Variants in PIGU observed in about 807,000 individuals in gnomAD.
The protein encoded by PIGU is phosphatidylinositol glycan anchor biosynthesis class U.
PIGU carries 24 observed loss-of-function variants against 49.9 expected under a neutral mutation model. That is an observed-to-expected ratio of 0.48 (90% confidence interval 0.35 to 0.68). The LOEUF (loss-of-function observed/expected upper bound fraction) is 0.68, where lower values mean the gene tolerates loss of function less well. Among genes scored for constraint, PIGU ranks in the 30% least tolerant of loss-of-function variants. The probability of loss-of-function intolerance (pLI) is 0.01; values close to 1 mark genes in which losing one functional copy is unlikely to be tolerated. For missense variants in PIGU, 490 were observed against 532.6 expected (o/e 0.92, Z 0.79); for synonymous variants, 220 against 205.7 (o/e 1.07, Z -0.59).
chr20:34,654,822 T>C (rs187296837), intron 2 of PIGU, among the ~76,000 whole-genome samples: 1,429 of 116,214 alleles, frequency 0.012, 345 homozygotes, highest in African/African-American at 0.044. Context: ...CTGGCCAATA[T>C]GGTGAAACCC....
intron 2 of PIGU, 72 bp from the exon 3 acceptor site, chr20:34,645,406 G>C (rs1443081842): frequency 4.8e-6 from 7 of 1,461,812 alleles, no homozygotes; most frequent in Non-Finnish European, 6.3e-6. Flanking sequence ...AGAGTAGAGA[G>C]TGGGGAGAAA....
intron 9 of PIGU, among the ~76,000 whole-genome samples, chr20:34,582,317 C>T (rs1166252714): frequency 2.6e-5 from 4 of 152,248 alleles, no homozygotes; most frequent in East Asian, 3.9e-4. Flanking sequence ...TCCTGAACTC[C>T]CTCTGTGTAA....
chr20:34,645,178 A>T, intron 3 of PIGU, 97 bp downstream of exon 3: 1 of 1,292,430 alleles, frequency 7.7e-7, no homozygotes, highest in Non-Finnish European at 1.0e-6. Context: ...ACACAGTGAG[A>T]CCCCATCTCA....
chr20:34,604,111 G>A (rs1179817122), intron 7 of PIGU, among the ~76,000 whole-genome samples: 8 of 152,088 alleles, frequency 5.3e-5, no homozygotes, highest in African/African-American at 1.4e-4. Flanking sequence ...CACATCTGTG[G>A]GGCCAGATGT....
At chr20:34,652,402 C>T (rs1277436396) in intron 2 of PIGU, among the ~76,000 whole-genome samples, 2 of 152,196 alleles carry the variant, frequency 1.3e-5, no homozygotes, top group Non-Finnish European at 2.9e-5. Flanking sequence ...AATTTTAATG[C>T]TCATCCCAAG....
In PIGU at chr20:34,645,296, G is replaced by T; in HGVS notation, c.234C>A (p.Asp78Glu). The T allele has an allele frequency of 6.3e-7, 1 of 1,577,150 alleles. No individual in the cohort carries two copies. Among genetic ancestry groups the T allele is most frequent in the Non-Finnish European group, 8.6e-7 (1 of 1,167,302 alleles). The change falls in exon 3 of 12, where the codon GAC becomes GAA. Residue 78 changes from aspartate (D) to glutamate (E), a missense_variant. Transcript: ENST00000217446. ...LIIYLFHFLI[D>E]YAELVFMITD... ...TTACCATAAACACCAATTCAGCATA[G>T]TCAATTAGGAAATGAAAGAGGTATA...
chr20:34,575,004 C>G, intron 11 of PIGU, 100 bp downstream of exon 11: 1 of 1,489,942 alleles, frequency 6.7e-7, no homozygotes. Context: ...TCCTTCACGT[C>G]TGCACCCCCC....
chr20:34,633,953 G>C lies in PIGU; in HGVS notation c.529+662C>G, dbSNP rs574392688. ...TATAATTCAGGAAATATAATATAAG[G>C]TCTTATTTAGAAATATGGAATACTA... On this transcript the variant is annotated intron_variant, in intron 6 of 11. Coordinates refer to ENST00000217446, the MANE Select transcript of PIGU (RefSeq NM_080476.5). Among the ~76,000 whole-genome samples, 6 of 152,210 alleles carry C rather than the reference G, an allele frequency of 3.9e-5. No homozygotes were observed. The East Asian group carries it at 1.2e-3, about 29-fold the overall frequency.
chr20:34,671,056 T>C (rs921509498), intron 1 of PIGU, among the ~76,000 whole-genome samples: 5 of 152,176 alleles, frequency 3.3e-5, no homozygotes, highest in Admixed American at 2.0e-4. Flanking sequence ...TACCTAAAGA[T>C]TGCTAGCTCT....
At chr20:34,640,649 C>A (rs776760187) in intron 4 of PIGU, among the ~76,000 whole-genome samples, 1 of 152,086 alleles carries the variant, frequency 6.6e-6, no homozygotes, top group Non-Finnish European at 1.5e-5. Flanking sequence ...AAAACAATGA[C>A]AGGAGAGATT....
At position 34,626,405 on chromosome 20, in the gene PIGU, C is replaced by T. The variant is rs192648429; in HGVS notation, c.529+8210G>A. Among the ~76,000 whole-genome samples, 1,077 of 151,280 alleles carry T rather than the reference C, an allele frequency of 7.1e-3. 8 individuals carry two copies. The highest frequency in any genetic ancestry group is 0.024 in the African/African-American group (1,002 of 41,186). On this transcript the variant is annotated intron_variant, in intron 6 of 11. Coordinates refer to ENST00000217446, the MANE Select transcript of PIGU (RefSeq NM_080476.5). ...GCAACCTCCACCTCCCGGGTTCAAG[C>T]GATTCTCCTGCCTCAGCCTCCCGAG...
chr20:34,600,178 G>A (rs941199094), intron 7 of PIGU, among the ~76,000 whole-genome samples: 3 of 152,008 alleles, frequency 2.0e-5, no homozygotes, highest in Non-Finnish European at 4.4e-5. Flanking sequence ...AGGCCGAGGC[G>A]GGCGGGTCAC....
At chr20:34,589,104 TACACACACAC>T (rs11469162) in intron 7 of PIGU, among the ~76,000 whole-genome samples, 8,453 of 145,808 alleles carry the variant, frequency 0.058, 413 homozygotes, top group African/African-American at 0.13. Flanking sequence ...TACTATTATT[TACACACACAC>T]ACACACACAC....
intron 10 of PIGU, among the ~76,000 whole-genome samples, chr20:34,576,605 C>T (rs887748893): frequency 1.1e-4 from 17 of 152,172 alleles, no homozygotes; most frequent in African/African-American, 4.1e-4. Flanking sequence ...CTGCCTCCCT[C>T]TTCCATCTTT....
At chr20:34,622,295 G>C (rs753296497) in intron 6 of PIGU, among the ~76,000 whole-genome samples, 1 of 152,054 alleles carries the variant, frequency 6.6e-6, no homozygotes, top group Admixed American at 6.5e-5. Context: ...GAGGAGGGTG[G>C]ATCACAAGGT....
intron 7 of PIGU, among the ~76,000 whole-genome samples, chr20:34,596,172 A>G (rs1984191536): frequency 6.6e-6 from 1 of 152,232 alleles, no homozygotes; most frequent in Non-Finnish European, 1.5e-5. Flanking sequence ...AGGACACAAT[A>G]TGCATTTTTG....
chr20:34,630,898 G>A (rs1235216841), intron 6 of PIGU, among the ~76,000 whole-genome samples: 1 of 151,988 alleles, frequency 6.6e-6, no homozygotes, highest in African/African-American at 2.4e-5. Flanking sequence ...TCCCACCTCA[G>A]CCTCCCAAAA....
At chr20:34,611,990 C>A (rs559254641) in intron 7 of PIGU, among the ~76,000 whole-genome samples, 19 of 152,186 alleles carry the variant, frequency 1.2e-4, no homozygotes, top group African/African-American at 4.6e-4. Context: ...ACCATTTGAC[C>A]CAGCAATCCC....
At chr20:34,649,848 CTTTTT>C (rs1243838081) in intron 2 of PIGU, among the ~76,000 whole-genome samples, 1 of 105,658 alleles carries the variant, frequency 9.5e-6, no homozygotes, top group African/African-American at 3.5e-5. Flanking sequence ...CTATTACATT[CTTTTT>C]TTTTTTTTTT....
Sources: gnomAD v4.1 joint callset for allele counts (sites outside exome capture counted in the v4.1 genomes callset) on GRCh38, gnomAD v4.1.1 for gene constraint, MANE v1.5 for transcripts, NCBI Gene and HGNC (gene_info 2026-07-23, HGNC 2026-07-21) for gene names.